RXRG: variants seen among roughly 807,000 people sequenced by gnomAD.
RXRG encodes the protein retinoic acid receptor RXR-gamma.
Under a neutral mutation model 49.2 loss-of-function variants are expected in RXRG, and 19 were observed. That is an observed-to-expected ratio of 0.39 (90% CI 0.27 to 0.57). The LOEUF is 0.57. Among genes scored for constraint, RXRG ranks in the 20% least tolerant of loss-of-function variants. RXRG has a pLI of 0.64. For missense variants in RXRG, 452 were observed against 592.5 expected, an observed-to-expected ratio of 0.76 and a Z score of 2.46; for synonymous variants, 224 against 216.6, an observed-to-expected ratio of 1.03 and a Z score of -0.30.
At chr1:165,444,412 C>A (rs757912370) in intron 1 of RXRG, among the ~76,000 whole-genome samples, 1 of 152,126 alleles carries the variant, frequency 6.6e-6, no homozygotes, top group African/African-American at 2.4e-5. Context: ...ATCCCAGGAA[C>A]CCTCAAGATA....
At chr1:165,404,475 C>T (rs539640595) in intron 9 of RXRG, among the ~76,000 whole-genome samples, 7 of 152,216 alleles carry the variant, frequency 4.6e-5, no homozygotes, top group African/African-American at 7.2e-5. Flanking sequence ...AATCACAGGG[C>T]GATGACTAAA....
intron 2 of RXRG, among the ~76,000 whole-genome samples, chr1:165,423,349 G>A (rs928340209): frequency 2.0e-5 from 3 of 152,206 alleles, no homozygotes; most frequent in Non-Finnish European, 4.4e-5. Context: ...TGCTCCCTGA[G>A]AACAGGAAAG....
chr1:165,420,043 C>A, intron 2 of RXRG, 29 bp from the exon 3 acceptor site: 1 of 1,536,644 alleles, frequency 6.5e-7, no homozygotes, highest in East Asian at 2.4e-5. Flanking sequence ...CTGTAAAGCA[C>A]AGAGCCAGAG....
chr1:165,424,281 A>G (rs985931514), intron 2 of RXRG, among the ~76,000 whole-genome samples: 28 of 152,230 alleles, frequency 1.8e-4, no homozygotes, highest in African/African-American at 6.5e-4. Flanking sequence ...AGTGCCCAGT[A>G]CTGGGCCTGG....
chr1:165,411,342 C>T (rs555765429), intron 4 of RXRG, among the ~76,000 whole-genome samples: 19 of 152,182 alleles, frequency 1.2e-4, no homozygotes, highest in Non-Finnish European at 1.8e-4. Context: ...ATTATGGTGA[C>T]GACACTAGGA....
chr1:165,437,155 C>G (rs1240561250), intron 1 of RXRG: 1 of 1,367,770 alleles, frequency 7.3e-7, no homozygotes, highest in Non-Finnish European at 9.8e-7. Flanking sequence ...GTTTTCACAG[C>G]CCTAGCGATG....
chr1:165,403,306 C>T (rs190090232), intron 9 of RXRG, among the ~76,000 whole-genome samples: 1 of 152,302 alleles, frequency 6.6e-6, no homozygotes, highest in African/African-American at 2.4e-5. Flanking sequence ...AGCTCAAGGA[C>T]CAAAATCACT....
chr1:165,424,232 G>A (rs1010581374), intron 2 of RXRG, among the ~76,000 whole-genome samples: 1 of 152,208 alleles, frequency 6.6e-6, no homozygotes, highest in Non-Finnish European at 1.5e-5. Context: ...ATGCTCCCCA[G>A]GGCAGGGATT....
intron 3 of RXRG, among the ~76,000 whole-genome samples, chr1:165,418,577 G>A (rs1312163918): frequency 6.6e-6 from 1 of 152,094 alleles, no homozygotes; most frequent in East Asian, 1.9e-4. Flanking sequence ...GCCAGCCTTT[G>A]CCTCATTGGT....
In RXRG at chr1:165,420,391, G is replaced by A. The variant is rs186266275; in HGVS notation, c.298-377C>T. 7.2e-5 allele frequency among the ~76,000 whole-genome samples: 11 copies of A among 152,230 alleles called. No homozygotes were observed. The East Asian group carries it at 1.9e-3, about 27-fold the overall frequency. ...TCAACTATTGACTGCCTATTCAGCC[G>A]TGCTGCAAGAGGAACTACGACCCTC... On this transcript the variant is annotated intron_variant, in intron 2 of 9. Transcript: ENST00000359842.
intron 9 of RXRG, 80 bp downstream of exon 9, chr1:165,406,732 C>T: frequency 1.0e-6 from 1 of 1,000,712 alleles, no homozygotes; most frequent in South Asian, 1.3e-5. Flanking sequence ...TAAACAGTGC[C>T]TGCTGCACTT....
chr1:165,433,224 C>T (rs10918181), intron 1 of RXRG, among the ~76,000 whole-genome samples: 20,068 of 152,054 alleles, frequency 0.13, 1,511 homozygotes, highest in African/African-American at 0.21. Flanking sequence ...CACGAACCCG[C>T]TCGTGCCTTG....
chr1:165,421,186 G>A (rs1165951972), intron 2 of RXRG, among the ~76,000 whole-genome samples: 1 of 152,182 alleles, frequency 6.6e-6, no homozygotes, highest in Non-Finnish European at 1.5e-5. Flanking sequence ...AGCGCAGGAG[G>A]CAAACAGAGG....
chr1:165,427,023 T>C (rs1658507386), intron 2 of RXRG, among the ~76,000 whole-genome samples: 1 of 152,254 alleles, frequency 6.6e-6, no homozygotes, highest in South Asian at 2.1e-4. Flanking sequence ...GATCTTCAAC[T>C]AATTGGATGA....
intron 1 of RXRG, among the ~76,000 whole-genome samples, chr1:165,433,183 T>C (rs1277779161): frequency 2.0e-5 from 3 of 152,166 alleles, no homozygotes; most frequent in African/African-American, 7.2e-5. Context: ...TGAGGCACCA[T>C]CTTTGGAAGC....
intron 4 of RXRG, 103 bp from the exon 5 acceptor site, chr1:165,411,212 A>G: frequency 1.7e-6 from 2 of 1,159,470 alleles, no homozygotes; most frequent in Non-Finnish European, 2.4e-6. Context: ...ATGAAAGGGG[A>G]ATCATTATGA....
Position 165,401,422 on chromosome 1 carries a change from C to A in RXRG, c.1245-12G>T, listed in dbSNP as rs1348629428. 1.2e-6 allele frequency: 2 copies of A among 1,613,520 alleles called. No homozygotes were observed. Among genetic ancestry groups the A allele is most frequent in the Admixed American group, 1.7e-5 (1 of 60,024 alleles). ...GCAGCTTGGCAAACCTGCAGGGAAG[C>A]CAAGAGGCATCAGGGACAGGGACGG... On this transcript the variant is annotated splice_polypyrimidine_tract_variant and intron_variant, in intron 9 of 9. Transcript: ENST00000359842.
At chr1:165,422,410 T>A (rs777547378) in intron 2 of RXRG, among the ~76,000 whole-genome samples, 3 of 152,170 alleles carry the variant, frequency 2.0e-5, no homozygotes, top group Non-Finnish European at 4.4e-5. Context: ...TGATTAAAAG[T>A]CAGTTTGGAT....
intron 1 of RXRG, 87 bp downstream of exon 1, chr1:165,444,758 C>G (rs942680878): frequency 1.8e-5 from 21 of 1,162,054 alleles, no homozygotes; most frequent in Non-Finnish European, 2.7e-5. Context: ...CCTTTTAATT[C>G]AATACTAATC....
Sources: allele counts gnomAD v4.1 joint callset (sites outside exome capture counted in the v4.1 genomes callset), GRCh38; gene constraint gnomAD v4.1.1; transcripts MANE v1.5; gene names NCBI Gene and HGNC (gene_info 2026-07-23, HGNC 2026-07-21).